Variants in EFNA5 observed in about 807,000 individuals in gnomAD.
EFNA5 encodes the protein ephrin A5, also known as ephrin-A5.
EFNA5 carries 5 observed loss-of-function variants against 22.9 expected under a neutral mutation model. The observed-to-expected ratio is 0.22, with a 90% CI of 0.11 to 0.46. EFNA5 has a LOEUF of 0.46. EFNA5 is among the 20% of genes least tolerant of loss of function. EFNA5 has a pLI of 0.99. For synonymous variants in EFNA5, 113 were observed against 112.2 expected (o/e 1.01, Z -0.04); for missense variants, 237 against 293.3 (o/e 0.81, Z 1.40).
chr5:107,627,195 T>C (rs1750160490), intron 1 of EFNA5, among the ~76,000 whole-genome samples: 1 of 152,172 alleles, frequency 6.6e-6, no homozygotes, highest in Admixed American at 6.6e-5. Flanking sequence ...CACATTAGAG[T>C]AACTGGATGA....
intron 1 of EFNA5, among the ~76,000 whole-genome samples, chr5:107,585,738 A>G (rs1472669614): frequency 1.3e-5 from 2 of 152,250 alleles, no homozygotes; most frequent in Non-Finnish European, 2.9e-5. Flanking sequence ...TATGGAAAAG[A>G]TAATTCTCTT....
At chr5:107,384,623 CTT>C (rs1006206013) in intron 4 of EFNA5, among the ~76,000 whole-genome samples, 8 of 151,970 alleles carry the variant, frequency 5.3e-5, no homozygotes, top group Non-Finnish European at 1.0e-4. Flanking sequence ...CTTTCTCTCT[CTT>C]CTTAGAGACA....
At chr5:107,505,465 G>A (rs1747233325) in intron 1 of EFNA5, among the ~76,000 whole-genome samples, 1 of 152,182 alleles carries the variant, frequency 6.6e-6, no homozygotes, top group Non-Finnish European at 1.5e-5. Flanking sequence ...GGAAATCATA[G>A]TAGACAAGGA....
intron 2 of EFNA5, among the ~76,000 whole-genome samples, chr5:107,405,230 TG>T (rs1489266679): frequency 6.6e-6 from 1 of 152,220 alleles, no homozygotes; most frequent in African/African-American, 2.4e-5. Flanking sequence ...CTCCCACTCC[TG>T]TGATGCCTCA....
At chr5:107,461,995 T>C (rs989249739) in intron 1 of EFNA5, among the ~76,000 whole-genome samples, 2 of 152,224 alleles carry the variant, frequency 1.3e-5, no homozygotes, top group South Asian at 4.1e-4. Context: ...CAATGTGCCC[T>C]GCACAGAGCA....
At chr5:107,488,591 A>G (rs1178929482) in intron 1 of EFNA5, among the ~76,000 whole-genome samples, 1 of 152,240 alleles carries the variant, frequency 6.6e-6, no homozygotes, top group Non-Finnish European at 1.5e-5. Flanking sequence ...AGAGCACTCC[A>G]TTCAGAAGCT....
intron 4 of EFNA5, among the ~76,000 whole-genome samples, chr5:107,384,913 ACCTGT>A (rs1747571863): frequency 6.6e-6 from 1 of 150,598 alleles, no homozygotes. Flanking sequence ...AGTGCCTCAC[ACCTGT>A]AAGAAACACA....
Position 107,466,092 on chromosome 5 carries a change from G to T in EFNA5, c.126-38583C>A, listed in dbSNP as rs192794612. ...AGCTAGGACCCAACCGCAGGTGCTTGTGACTCCAAAGCACTTTTCATCACA... is the reference window on the plus strand; with the variant it reads ...AGCTAGGACCCAACCGCAGGTGCTTTTGACTCCAAAGCACTTTTCATCACA... On this transcript the variant is annotated intron_variant, in intron 1 of 4. Coordinates refer to ENST00000333274, the MANE Select transcript of EFNA5 (RefSeq NM_001962.3). Among the ~76,000 whole-genome samples, 469 of 152,268 alleles carry T rather than the reference G, an allele frequency of 3.1e-3. 3 individuals carry two copies. The highest frequency in any genetic ancestry group is 5.2e-3 in the Non-Finnish European group (354 of 68,020).
intron 1 of EFNA5, among the ~76,000 whole-genome samples, chr5:107,446,159 T>C (rs1749387581): frequency 6.6e-6 from 1 of 152,184 alleles, no homozygotes; most frequent in South Asian, 2.1e-4. Flanking sequence ...TAGGATTAAA[T>C]GTATAAACTA....
intron 1 of EFNA5, among the ~76,000 whole-genome samples, chr5:107,620,273 G>T (rs576892436): frequency 6.6e-6 from 1 of 152,196 alleles, no homozygotes; most frequent in Non-Finnish European, 1.5e-5. Context: ...TGCTGGCCAC[G>T]TTTCATTTAC....
chr5:107,509,035 G>T (rs1288811349), intron 1 of EFNA5, among the ~76,000 whole-genome samples: 1 of 152,180 alleles, frequency 6.6e-6, no homozygotes. Flanking sequence ...AGGTTTCAAA[G>T]TTGCATTTGG....
intron 1 of EFNA5, among the ~76,000 whole-genome samples, chr5:107,577,032 T>C (rs960162376): frequency 6.6e-6 from 1 of 152,214 alleles, no homozygotes; most frequent in Non-Finnish European, 1.5e-5. Context: ...CTTAAGTATC[T>C]ATATTTCACT....
chr5:107,566,018 C>A (rs1748659822), intron 1 of EFNA5, among the ~76,000 whole-genome samples: 2 of 152,182 alleles, frequency 1.3e-5, no homozygotes, highest in African/African-American at 4.8e-5. Flanking sequence ...TGGCCCTGCA[C>A]TTTGACCCCC....
At chr5:107,381,488 C>T in intron 4 of EFNA5, 112 bp from the exon 5 acceptor site, 1 of 1,199,904 alleles carries the variant, frequency 8.3e-7, no homozygotes, top group Non-Finnish European at 1.1e-6. Context: ...GGGTAATGAA[C>T]CTTGTGCCAC....
chr5:107,576,499 A>G (rs771347301), intron 1 of EFNA5, among the ~76,000 whole-genome samples: 9 of 152,206 alleles, frequency 5.9e-5, no homozygotes, highest in Non-Finnish European at 1.0e-4. Flanking sequence ...AAAGAATTAC[A>G]TGAAAAAAAT....
At chr5:107,515,658 A>G (rs152554) in intron 1 of EFNA5, among the ~76,000 whole-genome samples, 114,283 of 152,098 alleles carry the variant, frequency 0.75, 43,859 homozygotes, top group East Asian at 0.96. Flanking sequence ...GATTACAGGA[A>G]TGAGCCACTG....
chr5:107,596,391 C>T (rs1749474580), intron 1 of EFNA5, among the ~76,000 whole-genome samples: 1 of 152,114 alleles, frequency 6.6e-6, no homozygotes, highest in South Asian at 2.1e-4. Context: ...TGGCTTATTT[C>T]ACTTAGCATA....
At chr5:107,605,469 C>G (rs933320459) in intron 1 of EFNA5, among the ~76,000 whole-genome samples, 12 of 151,984 alleles carry the variant, frequency 7.9e-5, no homozygotes, top group Admixed American at 6.6e-4. Flanking sequence ...AGTGAGAAAC[C>G]TTATAGGAGC....
intron 1 of EFNA5, among the ~76,000 whole-genome samples, chr5:107,626,867 G>T (rs562452009): frequency 6.6e-6 from 1 of 152,168 alleles, no homozygotes; most frequent in Non-Finnish European, 1.5e-5. Flanking sequence ...GGTGCCCTGA[G>T]CAAAAATGAA....
Sources: allele counts gnomAD v4.1 joint callset (sites outside exome capture counted in the v4.1 genomes callset), GRCh38; gene constraint gnomAD v4.1.1; transcripts MANE v1.5; gene names NCBI Gene and HGNC (gene_info 2026-07-23, HGNC 2026-07-21).